PSMA1: variants seen among roughly 807,000 people sequenced by gnomAD.
The protein encoded by PSMA1 is proteasome subunit alpha type-1.
Under a neutral mutation model 38.4 loss-of-function variants are expected in PSMA1, and 3 were observed. The ratio of observed to expected loss-of-function variants is 0.08; its 90% confidence interval spans 0.04 to 0.20. The LOEUF (loss-of-function observed/expected upper bound fraction) is 0.20. Ranked by LOEUF, PSMA1 falls within the 10% of genes least tolerant of loss-of-function variation. PSMA1 has a pLI of 1.00. For synonymous variants in PSMA1, 101 were observed against 107.1 expected (o/e 0.94, Z 0.35); for missense variants, 227 against 325.3 (o/e 0.70, Z 2.32).
intron 2 of PSMA1, among the ~76,000 whole-genome samples, chr11:14,601,712 C>T (rs531186619): frequency 6.6e-6 from 1 of 152,130 alleles, no homozygotes; most frequent in East Asian, 1.9e-4. Flanking sequence ...AAGTGAACAC[C>T]CTTACTCCCA....
chr11:14,589,315 G>A (rs1852383937), intron 2 of PSMA1, among the ~76,000 whole-genome samples: 1 of 151,000 alleles, frequency 6.6e-6, no homozygotes, highest in Non-Finnish European at 1.5e-5. Context: ...AGAATTTGAG[G>A]TGCATTAGGG....
In PSMA1 at chr11:14,505,264, AAAAAAGAAAATATGT is replaced by A. The variant is rs1349747139; in HGVS notation, c.736-31_736-17del. ...GTTGAGCAGGCTTAACAGGGAAAGAAAAAAAGAAAATATGTAAAATGAACACTTGATCAATATACA... is the reference window on the plus strand; with the variant it reads ...GTTGAGCAGGCTTAACAGGGAAAGAAAAAATGAACACTTGATCAATATACA... On this transcript the variant is annotated splice_polypyrimidine_tract_variant and intron_variant, in intron 9 of 9. Transcript: ENST00000396394. 6.7e-5 allele frequency: 107 copies of A among 1,608,064 alleles called. No individual in the cohort carries two copies. Among genetic ancestry groups the A allele is most frequent in the Non-Finnish European group, 8.6e-5 (101 of 1,174,808 alleles).
At chr11:14,637,483 C>T (rs2062944386) in intron 1 of PSMA1, among the ~76,000 whole-genome samples, 1 of 152,184 alleles carries the variant, frequency 6.6e-6, no homozygotes, top group African/African-American at 2.4e-5. Flanking sequence ...CCTTTAGTAT[C>T]TGAGTAGCAT....
intron 1 of PSMA1, among the ~76,000 whole-genome samples, chr11:14,629,694 A>G (rs1308316040): frequency 3.3e-5 from 5 of 152,092 alleles, no homozygotes. Context: ...GTTTTTTCCA[A>G]TTCTGGGAAG....
chr11:14,625,958 A>G (rs1038880998), intron 1 of PSMA1, among the ~76,000 whole-genome samples: 1 of 152,168 alleles, frequency 6.6e-6, no homozygotes, highest in Non-Finnish European at 1.5e-5. Flanking sequence ...CAGACTTAGA[A>G]TCTACCTCCT....
intron 1 of PSMA1, among the ~76,000 whole-genome samples, chr11:14,617,046 G>A (rs1293618587): frequency 6.6e-6 from 1 of 152,166 alleles, no homozygotes; most frequent in African/African-American, 2.4e-5. Flanking sequence ...AAAAACACAG[G>A]GCATGGAAGA....
At chr11:14,554,553 T>C (rs1306062436) in intron 2 of PSMA1, among the ~76,000 whole-genome samples, 1 of 152,236 alleles carries the variant, frequency 6.6e-6, no homozygotes, top group Non-Finnish European at 1.5e-5. Flanking sequence ...GCTCTAGCAC[T>C]ATTTATTGGA....
intron 9 of PSMA1, 61 bp from the exon 10 acceptor site, chr11:14,505,309 T>A: frequency 7.7e-7 from 1 of 1,299,170 alleles, no homozygotes; most frequent in East Asian, 2.3e-5. Flanking sequence ...TATACACATC[T>A]AATCACAAAT....
intron 2 of PSMA1, among the ~76,000 whole-genome samples, chr11:14,588,399 C>T (rs537694224): frequency 6.6e-6 from 1 of 152,228 alleles, no homozygotes; most frequent in South Asian, 2.1e-4. Context: ...CCTTGAAATC[C>T]TTGATAGCTG....
At chr11:14,522,192 T>C (rs1851538317), upstream of PSMA1, among the ~76,000 whole-genome samples, 1 of 152,228 alleles carries the variant, frequency 6.6e-6, no homozygotes. Flanking sequence ...AGCTATCATA[T>C]GTCCATAAGT....
upstream of PSMA1, among the ~76,000 whole-genome samples, chr11:14,521,989 T>C (rs1449611846): frequency 6.6e-6 from 1 of 152,186 alleles, no homozygotes; most frequent in Non-Finnish European, 1.5e-5. Context: ...GCGTAGCACA[T>C]ATTAAGTGTT....
chr11:14,573,442 G>T (rs1852172689), intron 2 of PSMA1, among the ~76,000 whole-genome samples: 1 of 152,100 alleles, frequency 6.6e-6, no homozygotes, highest in East Asian at 1.9e-4. Context: ...TGCAGAAAAG[G>T]CCTTTGACAA....
intron 1 of PSMA1, among the ~76,000 whole-genome samples, chr11:14,638,527 CTCTCTCTCTCTCTCTCTCTATATATATA>C (rs1297345714): frequency 4.0e-5 from 1 of 25,230 alleles, no homozygotes; most frequent in Non-Finnish European, 7.3e-5. Context: ...CTCTCTCTCT[CTCTCTCTCTCTCTCTCTCTATATATATA>C]TATATATATA....
chr11:14,505,463 A>T (rs1020549006), intron 9 of PSMA1, among the ~76,000 whole-genome samples: 2 of 151,884 alleles, frequency 1.3e-5, no homozygotes, highest in Non-Finnish European at 2.9e-5. Flanking sequence ...TTTTTTATTT[A>T]AAAAAAATAC....
chr11:14,546,498 C>G (rs1851829427), intron 2 of PSMA1, among the ~76,000 whole-genome samples: 1 of 152,024 alleles, frequency 6.6e-6, no homozygotes, highest in Middle Eastern at 3.2e-3. Context: ...AGTACAATGG[C>G]ACGATCTCGG....
intron 1 of PSMA1, among the ~76,000 whole-genome samples, chr11:14,635,585 T>C (rs1173823153): frequency 6.6e-6 from 1 of 152,226 alleles, no homozygotes; most frequent in East Asian, 1.9e-4. Context: ...TGCTTTTCAT[T>C]AGTAGATCTA....
At chr11:14,613,986 T>C (rs984812627) in intron 1 of PSMA1, among the ~76,000 whole-genome samples, 2 of 152,226 alleles carry the variant, frequency 1.3e-5, no homozygotes, top group African/African-American at 4.8e-5. Flanking sequence ...AATATTTATA[T>C]TGAACTTACT....
In PSMA1 at chr11:14,544,152, C is replaced by T. The variant is rs768214013; in HGVS notation, c.22-25111G>A. Among the ~76,000 whole-genome samples, 26 of 152,304 alleles carry T rather than the reference C, an allele frequency of 1.7e-4. No homozygotes were observed. The East Asian group carries it at 3.9e-3, about 23-fold the overall frequency. On this transcript the variant is annotated intron_variant, in intron 2 of 10. Transcript: ENST00000418988. Reference sequence around the variant, plus strand: ...TCAAGCGATCCTCCCAACTCAGTCTCCTGAGTAGCTGGGACCACAGGCGCA... The same window carrying T: ...TCAAGCGATCCTCCCAACTCAGTCTTCTGAGTAGCTGGGACCACAGGCGCA...
intron 2 of PSMA1, among the ~76,000 whole-genome samples, chr11:14,567,677 C>A (rs1852088081): frequency 6.6e-6 from 1 of 152,210 alleles, no homozygotes; most frequent in Non-Finnish European, 1.5e-5. Context: ...TGAATATTCC[C>A]AGCTGAGATT....
Sources: gnomAD v4.1 joint callset for allele counts (sites outside exome capture counted in the v4.1 genomes callset) on GRCh38, gnomAD v4.1.1 for gene constraint, MANE v1.5 for transcripts, NCBI Gene and HGNC (gene_info 2026-07-23, HGNC 2026-07-21) for gene names.